The following DESI1 variants were observed in gnomAD, a reference collection of about 807,000 sequenced individuals.
The protein encoded by DESI1 is desumoylating isopeptidase 1, also known as PPPDE peptidase domain containing 2.
A neutral mutation model predicts 22.4 loss-of-function variants in DESI1; 17 were observed. The ratio of observed to expected loss-of-function variants is 0.76; its 90% CI spans 0.52 to 1.14. DESI1 has a LOEUF of 1.14. Among genes scored for constraint, DESI1 ranks in the 50% most tolerant of loss-of-function variants. DESI1 has a pLI of 0.00. For missense variants in DESI1, 177 were observed against 208.9 expected (o/e 0.85, Z 0.94); for synonymous variants, 92 against 84.2 (o/e 1.09, Z -0.51).
At chr22:41,605,267 C>T (rs1455878204) in intron 3 of DESI1, among the ~76,000 whole-genome samples, 1 of 152,144 alleles carries the variant, frequency 6.6e-6, no homozygotes, top group Non-Finnish European at 1.5e-5. Flanking sequence ...GCCCTATCAC[C>T]ATCATAGGGC....
At chr22:41,614,357 A>G (rs1266021590) in intron 1 of DESI1, among the ~76,000 whole-genome samples, 4 of 151,974 alleles carry the variant, frequency 2.6e-5, no homozygotes, top group Non-Finnish European at 5.9e-5. Flanking sequence ...TCACTTATTC[A>G]TTCATCCACC....
chr22:41,602,847 G>GCT, intron 5 of DESI1: 1 of 1,060,698 alleles, frequency 9.4e-7, no homozygotes. Flanking sequence ...ATGGTGCAGT[G>GCT]TAAGGCAAAT....
At chr22:41,603,094 C>T (rs1052018424) in intron 5 of DESI1, 165 bp downstream of exon 5, 29 of 1,009,364 alleles carry the variant, frequency 2.9e-5, no homozygotes, top group South Asian at 6.3e-5. Flanking sequence ...AATACAGGTG[C>T]GCATCAGTGG....
intron 3 of DESI1, 127 bp downstream of exon 3, chr22:41,607,135 T>C (rs2067487736): frequency 8.2e-6 from 7 of 854,560 alleles, no homozygotes; most frequent in Admixed American, 6.9e-5. Context: ...AAAGGTTTTA[T>C]TGAGCCAAGT....
At chr22:41,615,222 G>A (rs1569071221) in intron 1 of DESI1, among the ~76,000 whole-genome samples, 1 of 145,600 alleles carries the variant, frequency 6.9e-6, no homozygotes, top group Non-Finnish European at 1.5e-5. Flanking sequence ...GAGGTCAGGA[G>A]ATCGAGACCA....
intron 5 of DESI1, chr22:41,602,392 A>C (rs2067454057): frequency 1.0e-6 from 1 of 985,362 alleles, no homozygotes; most frequent in East Asian, 1.1e-4. Flanking sequence ...ATAGGAAGGC[A>C]GGGCCAGGGC....
intron 1 of DESI1, among the ~76,000 whole-genome samples, chr22:41,608,928 C>T (rs1275553919): frequency 6.6e-6 from 1 of 152,118 alleles, no homozygotes; most frequent in Non-Finnish European, 1.5e-5. Context: ...TAACTGCTAC[C>T]TTCGCTGTTT....
chr22:41,614,876 C>G (rs1463096171), intron 1 of DESI1, among the ~76,000 whole-genome samples: 1 of 150,638 alleles, frequency 6.6e-6, no homozygotes, highest in Non-Finnish European at 1.5e-5. Flanking sequence ...TAAGCCACCT[C>G]ACCCCACCTT....
chr22:41,620,034 A>C (rs903357478), intron 1 of DESI1, among the ~76,000 whole-genome samples: 1 of 152,168 alleles, frequency 6.6e-6, no homozygotes, highest in Non-Finnish European at 1.5e-5. Flanking sequence ...GCACAACCGA[A>C]ATACTTTCTT....
Position 41,612,551 on chromosome 22 carries a change from G to C in DESI1, c.89-4690C>G, listed in dbSNP as rs535206422. Among the ~76,000 whole-genome samples the C allele has an allele frequency of 1.2e-4, 18 of 151,174 alleles. No individual in the cohort carries two copies. In the South Asian group the frequency reaches 3.8e-3, roughly 32 times the overall value. The stretch of plus-strand genomic sequence containing the variant: ...AAAGAGTAGGTTAAGGGAGTTTCAG[G>C]GATGATCAGGGTGGGCCTCTTTGAG... On this transcript the variant is annotated intron_variant, in intron 1 of 5. Transcript: ENST00000263256.
Position 41,603,234 on chromosome 22 carries a change from G to A in DESI1, c.413+25C>T. ...GGATTTTCAAGGTTGGCCAAGGCAG[G>A]GGCAGGGACAGAGGCCACACTTACG... On this transcript the variant is annotated intron_variant, in intron 5 of 5. Coordinates refer to ENST00000263256, the MANE Select transcript of DESI1 (RefSeq NM_015704.3). The A allele has an allele frequency of 1.9e-6, 3 of 1,613,984 alleles. 1 individual carries two copies. The East Asian group carries it at 6.7e-5, about 36-fold the overall frequency.
At chr22:41,611,348 G>A (rs2067515888) in intron 1 of DESI1, among the ~76,000 whole-genome samples, 2 of 152,204 alleles carry the variant, frequency 1.3e-5, no homozygotes, top group African/African-American at 2.4e-5. Context: ...GCCCAGGCTG[G>A]TCTCGAACTC....
rs1249788368 is a variant in DESI1, at chr22:41,599,292, T to C, written c.*1805A>G. On this transcript the variant is annotated 3_prime_UTR_variant, in exon 6 of 6. Transcript: ENST00000263256. ...TACCTGGCAGCTCTGAGTCCCTTCT[T>C]CATGCTCACTTTCCCAAAATCTAAC... 1 of 152,164 alleles carries C rather than the reference T, an allele frequency of 6.6e-6. No individual in the cohort carries two copies. Among genetic ancestry groups the C allele is most frequent in the Non-Finnish European group, 1.5e-5 (1 of 68,030 alleles). The allele number at this position is 152,164 out of a possible 1,614,324, so 9.4% of individuals were successfully genotyped here.
At position 41,602,187 on chromosome 22, in the gene DESI1, C is replaced by T. The variant is rs1347934639; in HGVS notation, c.414-997G>A. ...GGATACTGCCATTTTTGAAAATCATCTCCAAGTTTAAAGGAATGAAGTACT... is the reference window on the plus strand; with the variant it reads ...GGATACTGCCATTTTTGAAAATCATTTCCAAGTTTAAAGGAATGAAGTACT... On this transcript the variant is annotated intron_variant, in intron 5 of 5. Transcript: ENST00000263256. 5.1e-6 allele frequency: 5 copies of T among 984,420 alleles called. No individual in the cohort carries two copies. In the Admixed American group the frequency reaches 3.1e-4, roughly 61 times the overall value. 61.0% of individuals were successfully genotyped at this position (984,420 alleles called of 1,614,324 possible). A position where few individuals can be genotyped will look rare whatever the true frequency, so the allele number is the denominator to read the frequency against.
Position 41,601,066 on chromosome 22 carries a change from TG to T in DESI1, c.*30del. On this transcript the variant is annotated 3_prime_UTR_variant, in exon 6 of 6. Coordinates refer to ENST00000263256, the MANE Select transcript of DESI1 (RefSeq NM_015704.3). ...TGTTTTGTTTAAAAAGGAAAAGCCC[TG>T]GTGAGGCAGGGCGGTCCCAGGCAGT... 6.3e-7 allele frequency: 1 copy of T among 1,589,568 alleles called. No homozygotes were observed. The highest frequency in any genetic ancestry group is 1.1e-5 in the South Asian group (1 of 89,642).
At chr22:41,611,607 T>C (rs956486871) in intron 1 of DESI1, among the ~76,000 whole-genome samples, 2 of 150,014 alleles carry the variant, frequency 1.3e-5, no homozygotes, top group African/African-American at 4.9e-5. Context: ...TTTTTTTTTT[T>C]TTTTTGAGAC....
At chr22:41,619,852 CA>C (rs1366918413) in intron 1 of DESI1, among the ~76,000 whole-genome samples, 1 of 152,190 alleles carries the variant, frequency 6.6e-6, no homozygotes, top group Non-Finnish European at 1.5e-5. Flanking sequence ...TGGATGCTGT[CA>C]AAGCTTCAAT....
At chr22:41,608,577 C>G (rs1197837305) in intron 1 of DESI1, among the ~76,000 whole-genome samples, 1 of 152,112 alleles carries the variant, frequency 6.6e-6, no homozygotes, top group South Asian at 2.1e-4. Context: ...AAGTCTAAAG[C>G]CTGCAGGGCA....
At chr22:41,610,327 C>T (rs1419296652) in intron 1 of DESI1, among the ~76,000 whole-genome samples, 1 of 149,748 alleles carries the variant, frequency 6.7e-6, no homozygotes, top group Admixed American at 6.7e-5. Flanking sequence ...TGCAGTGAGC[C>T]GAGATCGTGC....
Sources: gnomAD v4.1 joint callset for allele counts (sites outside exome capture counted in the v4.1 genomes callset) on GRCh38, gnomAD v4.1.1 for gene constraint, MANE v1.5 for transcripts, NCBI Gene and HGNC (gene_info 2026-07-23, HGNC 2026-07-21) for gene names.